Variants in TENM3 observed in about 807,000 individuals in gnomAD.
TENM3 encodes the protein teneurin-3.
TENM3 carries 63 observed loss-of-function variants against 255.1 expected under a neutral mutation model. That is an observed-to-expected ratio of 0.25 (90% CI 0.20 to 0.30). TENM3 has a LOEUF of 0.30. TENM3 is among the 10% of genes least tolerant of loss of function. The pLI, the probability that TENM3 is intolerant of heterozygous loss-of-function variation, is 1.00. For synonymous variants in TENM3, 1,306 were observed against 1,322.3 expected (o/e 0.99, Z 0.27); for missense variants, 2,929 against 3,461.1 (o/e 0.85, Z 3.86).
chr4:182,287,968 A>C (rs1368551996), intron 1 of TENM3, among the ~76,000 whole-genome samples: 1 of 134,186 alleles, frequency 7.5e-6, no homozygotes, highest in Non-Finnish European at 1.6e-5. Context: ...ATGGAGTTTC[A>C]CTCTTGTTAC....
At chr4:181,889,979 AC>A in the TENM3 span, among the ~76,000 whole-genome samples, 1 of 152,198 alleles carries the variant, frequency 6.6e-6, no homozygotes, top group Non-Finnish European at 1.5e-5. Context: ...TCATCCTCTG[AC>A]CTACTCAGCC....
At chr4:182,145,199 G>A (rs997930463) in intron 1 of TENM3, 4 of 152,228 alleles carry the variant, frequency 2.6e-5, no homozygotes, top group Non-Finnish European at 5.9e-5. Context: ...GGAAAGCCCC[G>A]GGATGTCACC....
the TENM3 span, among the ~76,000 whole-genome samples, chr4:182,099,118 C>T: frequency 1.3e-5 from 2 of 151,682 alleles, no homozygotes; most frequent in Admixed American, 6.6e-5. Context: ...TATGCCGCCA[C>T]GCCCAGCTAA....
intron 12 of TENM3, 61 bp from the exon 13 acceptor site, chr4:182,714,026 T>C (rs1386207043): frequency 6.8e-7 from 1 of 1,472,272 alleles, no homozygotes; most frequent in Non-Finnish European, 9.4e-7. Flanking sequence ...CTTATCTGTT[T>C]ATTTTAGGTG....
At chr4:182,215,379 CGAT>C (rs575206769) in intron 1 of TENM3, among the ~76,000 whole-genome samples, 142 of 152,230 alleles carry the variant, frequency 9.3e-4, no homozygotes, top group Middle Eastern at 6.8e-3. Context: ...CCACTTCACT[CGAT>C]GAGTTTTTTA....
chr4:182,260,785 C>T (rs1758729401), intron 1 of TENM3, among the ~76,000 whole-genome samples: 1 of 152,146 alleles, frequency 6.6e-6, no homozygotes. Context: ...ATACTGACAA[C>T]TATGAAAAAT....
the TENM3 span, among the ~76,000 whole-genome samples, chr4:181,711,519 A>G: frequency 2.0e-5 from 3 of 152,238 alleles, no homozygotes; most frequent in Non-Finnish European, 4.4e-5. Flanking sequence ...ATCCTATTTG[A>G]CATTTTTAAA....
At chr4:182,304,444 C>T (rs1333919559) in intron 1 of TENM3, among the ~76,000 whole-genome samples, 1 of 152,128 alleles carries the variant, frequency 6.6e-6, no homozygotes, top group Non-Finnish European at 1.5e-5. Flanking sequence ...GATCTCCTGA[C>T]CTCATGATCC....
At chr4:182,066,816 C>A in the TENM3 span, among the ~76,000 whole-genome samples, 1 of 152,046 alleles carries the variant, frequency 6.6e-6, no homozygotes, top group Non-Finnish European at 1.5e-5. Context: ...GAGGCTGAGG[C>A]AGGAGAATGG....
chr4:181,814,255 T>A, the TENM3 span, among the ~76,000 whole-genome samples: 1 of 152,100 alleles, frequency 6.6e-6, no homozygotes, highest in Non-Finnish European at 1.5e-5. Context: ...GTATGACTAG[T>A]GGACTTTAAG....
chr4:182,708,754 C>A (rs931215570), intron 12 of TENM3, among the ~76,000 whole-genome samples: 12 of 149,758 alleles, frequency 8.0e-5, no homozygotes, highest in Admixed American at 8.0e-4. Flanking sequence ...GCGGAGATCG[C>A]GCCACTGTAC....
intron 1 of TENM3, among the ~76,000 whole-genome samples, chr4:182,177,470 G>A (rs1388939501): frequency 6.6e-6 from 1 of 151,928 alleles, no homozygotes; most frequent in African/African-American, 2.4e-5. Flanking sequence ...TGATGCTCCT[G>A]ATTCACTGTT....
At chr4:181,540,484 A>G in the TENM3 span, among the ~76,000 whole-genome samples, 3 of 152,092 alleles carry the variant, frequency 2.0e-5, no homozygotes, top group Non-Finnish European at 2.9e-5. Flanking sequence ...GGACAGGGAG[A>G]GAAAAAGAGC....
At chr4:182,042,637 C>T in the TENM3 span, among the ~76,000 whole-genome samples, 2 of 152,056 alleles carry the variant, frequency 1.3e-5, no homozygotes, top group African/African-American at 2.4e-5. Flanking sequence ...TTATAAAATA[C>T]GAATATGTAG....
chr4:181,583,095 A>T, the TENM3 span, among the ~76,000 whole-genome samples: 1 of 150,010 alleles, frequency 6.7e-6, no homozygotes, highest in Admixed American at 6.7e-5. Flanking sequence ...AGAGGTAGAA[A>T]ATATTTATTT....
chr4:181,812,618 G>A, the TENM3 span, among the ~76,000 whole-genome samples: 4 of 152,172 alleles, frequency 2.6e-5, no homozygotes, highest in East Asian at 1.9e-4. Context: ...CCTTTCCTAC[G>A]TCCAGTAAAT....
chr4:182,551,849 C>T (rs963289391), intron 3 of TENM3, among the ~76,000 whole-genome samples: 3 of 151,912 alleles, frequency 2.0e-5, no homozygotes, highest in South Asian at 4.2e-4. Context: ...AGTGAGACCC[C>T]CATCCCTACA....
intron 2 of TENM3, among the ~76,000 whole-genome samples, chr4:182,336,842 G>C (rs1764169382): frequency 1.3e-5 from 1 of 76,664 alleles, no homozygotes; most frequent in African/African-American, 4.7e-5. Context: ...ATTATTCTTA[G>C]CTTTTTTTTT....
At chr4:181,683,226 C>T in the TENM3 span, among the ~76,000 whole-genome samples, 1 of 151,958 alleles carries the variant, frequency 6.6e-6, no homozygotes, top group Non-Finnish European at 1.5e-5. Context: ...TTGTGTAAAA[C>T]CTCGGAAATA....
Sources: gnomAD v4.1 joint callset for allele counts (sites outside exome capture counted in the v4.1 genomes callset) on GRCh38, gnomAD v4.1.1 for gene constraint, MANE v1.5 for transcripts, NCBI Gene and HGNC (gene_info 2026-07-23, HGNC 2026-07-21) for gene names.